Variants in PHLDB2 observed in about 807,000 individuals in gnomAD.
PHLDB2 encodes pleckstrin homology like domain family B member 2, also known as pleckstrin homology-like domain family B member 2.
PHLDB2 carries 71 observed loss-of-function variants against 123.6 expected under a neutral mutation model. That is an observed-to-expected ratio of 0.57 (90% CI 0.47 to 0.70). PHLDB2 has a LOEUF of 0.70. Ranked by LOEUF, PHLDB2 falls within the 30% of genes least tolerant of loss-of-function variation. The pLI, the probability that PHLDB2 is intolerant of heterozygous loss-of-function variation, is 0.00. For missense variants in PHLDB2, 1,446 were observed against 1,519.5 expected, an observed-to-expected ratio of 0.95 and a Z score of 0.80; for synonymous variants, 547 against 541.6, an observed-to-expected ratio of 1.01 and a Z score of -0.14.
At position 111,883,923 on chromosome 3, in the gene PHLDB2, G is replaced by GT. The variant is rs2066054672; in HGVS notation, c.-14-135dup. 5 of 748,716 alleles carry GT rather than the reference G, an allele frequency of 6.7e-6. No individual in the cohort carries two copies. In the South Asian group the frequency reaches 7.7e-5, roughly 12 times the overall value. 46.4% of individuals were successfully genotyped at this position (748,716 alleles called of 1,614,324 possible). A position where few individuals can be genotyped will look rare whatever the true frequency, so the allele number is the denominator to read the frequency against. ...TTAATTTGCTGTATGGTTTTAACAG[G>GT]TTTTTTAGTAAAACTGAGTTTGTGT... is the stretch of plus-strand genomic sequence containing the variant. On this transcript the variant is annotated intron_variant, in intron 1 of 17. Coordinates refer to ENST00000431670, the MANE Select transcript of PHLDB2 (RefSeq NM_001134438.2).
At chr3:111,804,394 G>A (rs755048755) in intron 1 of PHLDB2, among the ~76,000 whole-genome samples, 2 of 152,174 alleles carry the variant, frequency 1.3e-5, no homozygotes, top group Non-Finnish European at 2.9e-5. Flanking sequence ...AAACTTTGGC[G>A]AAGTTTTAAC....
At chr3:111,953,069 T>A (rs1477144224) in intron 11 of PHLDB2, among the ~76,000 whole-genome samples, 1 of 152,242 alleles carries the variant, frequency 6.6e-6, no homozygotes, top group Non-Finnish European at 1.5e-5. Context: ...GACATTTTCA[T>A]GTAGCTGACG....
At position 111,793,514 on chromosome 3, in the gene PHLDB2, C is replaced by A. The variant is rs549773610; in HGVS notation, c.-48-52307C>A. Among the ~76,000 whole-genome samples the A allele has an allele frequency of 1.4e-4, 21 of 151,966 alleles. No homozygotes were observed. In the South Asian group the frequency reaches 4.4e-3, roughly 32 times the overall value. On this transcript the variant is annotated intron_variant, in intron 1 of 17. Coordinates refer to the PHLDB2 transcript ENST00000393923. ...ACTTGGTGCTCTACCCCACTGTGGC[C>A]GAGCTGATAACCAAGTGCAAGACAA...
At chr3:111,891,276 G>A (rs375808170) in intron 2 of PHLDB2, among the ~76,000 whole-genome samples, 5 of 152,088 alleles carry the variant, frequency 3.3e-5, no homozygotes, top group African/African-American at 1.2e-4. Flanking sequence ...GGAGGTGAGC[G>A]GTGAGCCAGC....
At chr3:111,950,853 G>A (rs1222317411) in intron 10 of PHLDB2, among the ~76,000 whole-genome samples, 1 of 152,196 alleles carries the variant, frequency 6.6e-6, no homozygotes, top group Non-Finnish European at 1.5e-5. Flanking sequence ...GGTGGATGAA[G>A]TAAGTTATGT....
intron 1 of PHLDB2, among the ~76,000 whole-genome samples, chr3:111,769,011 C>T (rs554729925): frequency 2.0e-5 from 3 of 152,336 alleles, no homozygotes; most frequent in East Asian, 3.9e-4. Flanking sequence ...TAGTGAACTG[C>T]TGCCTCCCTT....
intron 1 of PHLDB2, among the ~76,000 whole-genome samples, chr3:111,753,728 C>A (rs1475505509): frequency 6.6e-6 from 1 of 152,100 alleles, no homozygotes; most frequent in Non-Finnish European, 1.5e-5. Context: ...CTTGCCCATG[C>A]CTATGTCCTG....
At chr3:111,773,047 A>C (rs1003991924) in intron 1 of PHLDB2, among the ~76,000 whole-genome samples, 5 of 152,236 alleles carry the variant, frequency 3.3e-5, no homozygotes, top group Admixed American at 3.3e-4. Context: ...AAACAACTTC[A>C]GTAAACAGAT....
chr3:111,771,648 C>T (rs1055056445), intron 1 of PHLDB2, among the ~76,000 whole-genome samples: 3 of 152,174 alleles, frequency 2.0e-5, no homozygotes, highest in Non-Finnish European at 4.4e-5. Context: ...CCACTGCCTT[C>T]ATCTTTATAT....
At chr3:111,752,832 T>C (rs985614497) in intron 1 of PHLDB2, among the ~76,000 whole-genome samples, 5 of 150,548 alleles carry the variant, frequency 3.3e-5, no homozygotes, top group African/African-American at 1.2e-4. Context: ...CAGAGTGTGA[T>C]GTTCCCCCTC....
chr3:111,855,629 C>CTTTTTTTTTT (rs11368889), upstream of PHLDB2, among the ~76,000 whole-genome samples: 37 of 79,834 alleles, frequency 4.6e-4, 1 homozygote, highest in South Asian at 8.8e-4. Context: ...CTGCATTTGT[C>CTTTTTTTTTT]TTTTTTTTTT....
intron 6 of PHLDB2, among the ~76,000 whole-genome samples, chr3:111,935,509 A>AGATG (rs754063622): frequency 2.5e-5 from 3 of 118,894 alleles, no homozygotes; most frequent in African/African-American, 8.1e-5. Flanking sequence ...TAAGATAGAT[A>AGATG]GATAGATAGA....
intron 1 of PHLDB2, among the ~76,000 whole-genome samples, chr3:111,832,569 T>C (rs2063101820): frequency 6.8e-6 from 1 of 146,884 alleles, no homozygotes; most frequent in Non-Finnish European, 1.5e-5. Flanking sequence ...ATTATATATA[T>C]ATAATGCCAT....
At chr3:111,876,281 A>T (rs867915573) in intron 1 of PHLDB2, among the ~76,000 whole-genome samples, 1 of 152,108 alleles carries the variant, frequency 6.6e-6, no homozygotes, top group African/African-American at 2.4e-5. Context: ...CTTGACCCCT[A>T]CCTGTGTGTG....
chr3:111,887,892 C>G (rs2066266448), intron 2 of PHLDB2, among the ~76,000 whole-genome samples: 1 of 152,096 alleles, frequency 6.6e-6, no homozygotes, highest in Non-Finnish European at 1.5e-5. Flanking sequence ...GTTCTGTCCA[C>G]AAGGTTCTAA....
intron 2 of PHLDB2, among the ~76,000 whole-genome samples, chr3:111,846,738 C>G (rs191475274): frequency 7.8e-4 from 119 of 152,278 alleles, no homozygotes; most frequent in African/African-American, 1.8e-3. Flanking sequence ...CACACACACA[C>G]AGAGAAGGAG....
chr3:111,822,253 A>C (rs2062425410), intron 1 of PHLDB2, among the ~76,000 whole-genome samples: 1 of 150,360 alleles, frequency 6.7e-6, no homozygotes, highest in African/African-American at 2.5e-5. Context: ...TTGCATCAGA[A>C]AAAAAAAATG....
At chr3:111,797,221 T>C (rs548572875) in intron 1 of PHLDB2, among the ~76,000 whole-genome samples, 171 of 152,354 alleles carry the variant, frequency 1.1e-3, no homozygotes, top group African/African-American at 4.0e-3. Context: ...ACGTGATTAT[T>C]GACTCAATAT....
At chr3:111,944,370 C>T (rs1559915382) in intron 8 of PHLDB2, among the ~76,000 whole-genome samples, 1 of 149,856 alleles carries the variant, frequency 6.7e-6, no homozygotes, top group Admixed American at 6.7e-5. Flanking sequence ...ACTGAATGCA[C>T]TTTTTTTTTT....
Sources: gnomAD v4.1 joint callset for allele counts (sites outside exome capture counted in the v4.1 genomes callset) on GRCh38, gnomAD v4.1.1 for gene constraint, MANE v1.5 for transcripts, NCBI Gene and HGNC (gene_info 2026-07-23, HGNC 2026-07-21) for gene names.